The following PDE4D variants were observed in gnomAD, a reference collection of about 807,000 sequenced individuals.
PDE4D encodes 3',5'-cyclic-AMP phosphodiesterase 4D.
PDE4D carries 24 observed loss-of-function variants against 87.4 expected under a neutral mutation model. The observed-to-expected ratio is 0.27, with a 90% CI of 0.20 to 0.39. The LOEUF (loss-of-function observed/expected upper bound fraction) is 0.39. PDE4D is among the 10% of genes least tolerant of loss of function. The pLI is 1.00. For synonymous variants in PDE4D, 384 were observed against 383.2 expected (o/e 1.00, Z -0.02); for missense variants, 714 against 1,041.0 (o/e 0.69, Z 4.32).
chr5:59,640,630 G>A (rs570904103), intron 1 of PDE4D, among the ~76,000 whole-genome samples: 30 of 152,262 alleles, frequency 2.0e-4, no homozygotes, highest in African/African-American at 7.2e-4. Flanking sequence ...CTGACTCACA[G>A]CCCTGTGTAT....
At position 59,876,622 on chromosome 5, in the gene PDE4D, T is replaced by A. The variant is rs968169888; in HGVS notation, c.455+16546A>T. 4.6e-5 allele frequency among the ~76,000 whole-genome samples: 7 copies of A among 152,206 alleles called. No individual in the cohort carries two copies. The South Asian group carries it at 1.0e-3, about 22-fold the overall frequency. On this transcript the variant is annotated intron_variant, in intron 1 of 14. Coordinates refer to ENST00000340635, the MANE Select transcript of PDE4D (RefSeq NM_001104631.2). ...TCTCAACTGGACTCCCCCCACCTTC[T>A]GTCTTGCTTTATTTTTATTCCCCTT...
At chr5:59,771,480 A>T (rs1171952261) in intron 1 of PDE4D, among the ~76,000 whole-genome samples, 2 of 89,018 alleles carry the variant, frequency 2.2e-5, no homozygotes, top group African/African-American at 4.5e-5. Context: ...AAAGAAAGAA[A>T]GAAAGAGAGA....
chr5:59,155,672 G>T (rs937759183), intron 5 of PDE4D, among the ~76,000 whole-genome samples: 12 of 152,294 alleles, frequency 7.9e-5, no homozygotes, highest in African/African-American at 2.9e-4. Flanking sequence ...TAAAAGTAAA[G>T]ATTGAAGATG....
At chr5:60,190,115 TAATTTATC>T (rs1303565839) in intron 1 of PDE4D, among the ~76,000 whole-genome samples, 1 of 152,180 alleles carries the variant, frequency 6.6e-6, no homozygotes, top group Non-Finnish European at 1.5e-5. Context: ...AAAACAGGCT[TAATTTATC>T]AAGGTTTACT....
At chr5:58,976,861 A>G (rs1743933788) in intron 12 of PDE4D, among the ~76,000 whole-genome samples, 1 of 152,208 alleles carries the variant, frequency 6.6e-6, no homozygotes, top group African/African-American at 2.4e-5. Context: ...CTGTCTACTG[A>G]TGAGAAAAGG....
chr5:59,483,732 C>T (rs1281273239), intron 1 of PDE4D, among the ~76,000 whole-genome samples: 1 of 152,114 alleles, frequency 6.6e-6, no homozygotes, highest in Admixed American at 6.6e-5. Context: ...GCACAACCTG[C>T]TAAGGCTGCA....
At chr5:59,827,272 C>A (rs948372419) in intron 1 of PDE4D, among the ~76,000 whole-genome samples, 2 of 151,828 alleles carry the variant, frequency 1.3e-5, no homozygotes, top group Non-Finnish European at 2.9e-5. Flanking sequence ...AGTCAACAAG[C>A]AGAAGTAGTC....
intron 1 of PDE4D, among the ~76,000 whole-genome samples, chr5:59,620,058 A>G (rs1327712594): frequency 6.6e-6 from 1 of 152,174 alleles, no homozygotes; most frequent in African/African-American, 2.4e-5. Flanking sequence ...AAAAGGCAGA[A>G]GCAGGTGGGA....
At chr5:59,318,119 T>C (rs1439397116) in intron 1 of PDE4D, among the ~76,000 whole-genome samples, 1 of 152,176 alleles carries the variant, frequency 6.6e-6, no homozygotes, top group Non-Finnish European at 1.5e-5. Context: ...TGTTGGCATA[T>C]ACCTTGAGAA....
chr5:59,595,686 T>C (rs1408078178), intron 1 of PDE4D, among the ~76,000 whole-genome samples: 1 of 152,196 alleles, frequency 6.6e-6, no homozygotes, highest in East Asian at 1.9e-4. Flanking sequence ...TTATTCTCTT[T>C]AAAACTCTTG....
intron 2 of PDE4D, among the ~76,000 whole-genome samples, chr5:60,149,428 C>A (rs1781296799): frequency 6.6e-6 from 1 of 152,122 alleles, no homozygotes; most frequent in African/African-American, 2.4e-5. Flanking sequence ...CTCTTATGAC[C>A]TAATTACCTC....
At chr5:60,359,262 G>T (rs113100760) in intron 1 of PDE4D, among the ~76,000 whole-genome samples, 1,637 of 152,210 alleles carry the variant, frequency 0.011, 29 homozygotes, top group African/African-American at 0.036. Context: ...CAAAAAATTG[G>T]CCGGGCATGG....
chr5:59,573,790 G>C (rs1324278841), intron 1 of PDE4D, among the ~76,000 whole-genome samples: 1 of 151,246 alleles, frequency 6.6e-6, no homozygotes, highest in Non-Finnish European at 1.5e-5. Flanking sequence ...CTGGGGTCAG[G>C]AGTTCGAGAC....
intron 2 of PDE4D, among the ~76,000 whole-genome samples, chr5:60,082,723 ATG>A (rs1386574770): frequency 2.6e-5 from 4 of 152,126 alleles, no homozygotes; most frequent in African/African-American, 9.7e-5. Context: ...ATGAGGTGGA[ATG>A]TCACATATCT....
intron 1 of PDE4D, among the ~76,000 whole-genome samples, chr5:60,316,826 C>T (rs1026949526): frequency 6.6e-6 from 1 of 152,144 alleles, no homozygotes; most frequent in African/African-American, 2.4e-5. Flanking sequence ...CCTTGCATCC[C>T]AGGGATGAAG....
intron 2 of PDE4D, among the ~76,000 whole-genome samples, chr5:59,206,851 C>T (rs535943327): frequency 3.7e-4 from 56 of 152,246 alleles, no homozygotes; most frequent in African/African-American, 1.3e-3. Context: ...CAACTTTCTT[C>T]TTCTTCCCAG....
chr5:59,750,377 C>T (rs762847978), intron 1 of PDE4D, among the ~76,000 whole-genome samples: 27 of 152,092 alleles, frequency 1.8e-4, no homozygotes, highest in Non-Finnish European at 3.5e-4. Flanking sequence ...TGATCTGATG[C>T]CTTTCTGTGG....
intron 1 of PDE4D, among the ~76,000 whole-genome samples, chr5:59,393,567 T>C (rs186440834): frequency 6.6e-6 from 1 of 152,338 alleles, no homozygotes; most frequent in African/African-American, 2.4e-5. Context: ...ATAATCTCAT[T>C]CTAGTGAAGT....
chr5:59,925,048 G>A (rs1052811217), intron 3 of PDE4D, among the ~76,000 whole-genome samples: 19 of 151,514 alleles, frequency 1.3e-4, no homozygotes, highest in Non-Finnish European at 5.9e-5. Flanking sequence ...GGTGGTGGGC[G>A]CCTGTAGTCC....
Sources: allele counts gnomAD v4.1 joint callset (sites outside exome capture counted in the v4.1 genomes callset), GRCh38; gene constraint gnomAD v4.1.1; transcripts MANE v1.5; gene names NCBI Gene and HGNC (gene_info 2026-07-23, HGNC 2026-07-21).